ASB3: variants seen among roughly 807,000 people sequenced by gnomAD.
ASB3 encodes the protein ankyrin repeat and SOCS box protein 3.
A neutral mutation model predicts 54.5 loss-of-function variants in ASB3; 41 were observed. The ratio of observed to expected loss-of-function variants is 0.75; its 90% CI spans 0.59 to 0.98. The LOEUF is 0.98. Among genes scored for constraint, ASB3 ranks in the 50% least tolerant of loss-of-function variants. ASB3 has a pLI of 0.00. For missense variants in ASB3, 733 were observed against 620.0 expected (o/e 1.18, Z -1.94); for synonymous variants, 266 against 221.2 (o/e 1.20, Z -1.80).
chr2:53,743,956 T>C (rs1416437287), intron 3 of ASB3, among the ~76,000 whole-genome samples: 1 of 149,310 alleles, frequency 6.7e-6, no homozygotes, highest in Non-Finnish European at 1.5e-5. Flanking sequence ...GGCACAAGAA[T>C]CCCTTGAACC....
intron 2 of ASB3, among the ~76,000 whole-genome samples, chr2:53,757,251 C>A (rs1672884338): frequency 6.6e-6 from 1 of 152,238 alleles, no homozygotes; most frequent in African/African-American, 2.4e-5. Flanking sequence ...ACTTAAGACT[C>A]AGGTGTGAGG....
At chr2:53,765,655 T>G (rs1375515514) in intron 1 of ASB3, 70 bp from the exon 2 acceptor site, 2 of 1,575,956 alleles carry the variant, frequency 1.3e-6, no homozygotes, top group Non-Finnish European at 1.7e-6. Context: ...GGTCAGCAAA[T>G]CACGGTGGGC....
rs72150035 is a variant in ASB3, at chr2:53,690,700, CT to C, written c.1369+3183del. Among the ~76,000 whole-genome samples the C allele has an allele frequency of 8.4e-3, 1,246 of 148,042 alleles. 12 individuals are homozygous for C. Among genetic ancestry groups the C allele is most frequent in the African/African-American group, 0.029 (1,172 of 40,450 alleles). On this transcript the variant is annotated intron_variant, in intron 9 of 9. Coordinates refer to ENST00000263634, the MANE Select transcript of ASB3 (RefSeq NM_016115.5). ...ACTCCATTTTTTATCCATCTCCTACCTTTTTTTTTTCGTTTTTCTTTTCCTT... is the reference window on the plus strand; with the variant it reads ...ACTCCATTTTTTATCCATCTCCTACCTTTTTTTTTCGTTTTTCTTTTCCTT...
intron 2 of ASB3, among the ~76,000 whole-genome samples, chr2:53,760,398 A>C (rs1211111519): frequency 1.3e-5 from 2 of 152,170 alleles, no homozygotes; most frequent in Non-Finnish European, 2.9e-5. Context: ...AGAAAAGAAA[A>C]GAAGTAGAAG....
intron 2 of ASB3, among the ~76,000 whole-genome samples, chr2:53,761,890 T>C (rs150426206): frequency 6.6e-6 from 1 of 152,316 alleles, no homozygotes; most frequent in Non-Finnish European, 1.5e-5. Flanking sequence ...GAATCACTAG[T>C]TATAACAGCA....
chr2:53,688,770 A>G (rs1428400099), intron 9 of ASB3, among the ~76,000 whole-genome samples: 1 of 151,892 alleles, frequency 6.6e-6, no homozygotes, highest in Non-Finnish European at 1.5e-5. Flanking sequence ...AACATCACAC[A>G]CTGGGGCCTG....
intron 9 of ASB3, among the ~76,000 whole-genome samples, chr2:53,672,624 A>T (rs978962148): frequency 2.0e-5 from 3 of 152,202 alleles, no homozygotes; most frequent in African/African-American, 7.2e-5. Flanking sequence ...TACTTTAAAC[A>T]TTCTAATTTA....
At chr2:53,760,455 C>A (rs565955523) in intron 2 of ASB3, among the ~76,000 whole-genome samples, 11 of 152,136 alleles carry the variant, frequency 7.2e-5, no homozygotes, top group Admixed American at 2.6e-4. Flanking sequence ...CAAGGTAGGA[C>A]CCTCCATTAG....
At chr2:53,706,859 C>T (rs1669802361) in intron 7 of ASB3, among the ~76,000 whole-genome samples, 1 of 152,206 alleles carries the variant, frequency 6.6e-6, no homozygotes, top group Admixed American at 6.5e-5. Context: ...GCAATTCATC[C>T]ATTCTCACAA....
intron 3 of ASB3, among the ~76,000 whole-genome samples, chr2:53,735,130 G>C (rs182223033): frequency 9.9e-5 from 15 of 152,014 alleles, no homozygotes; most frequent in Non-Finnish European, 4.4e-5. Context: ...ATGTTAGTTA[G>C]GCTGGTCTTA....
chr2:53,774,333 T>G (rs770696784), intron 1 of ASB3: 1 of 1,613,642 alleles, frequency 6.2e-7, no homozygotes, highest in Admixed American at 1.7e-5. Flanking sequence ...ATCTTGGTCC[T>G]GCACCTCTGG....
chr2:53,783,447 G>C (rs1194796583), intron 1 of ASB3, among the ~76,000 whole-genome samples: 1 of 151,968 alleles, frequency 6.6e-6, no homozygotes, highest in East Asian at 1.9e-4. Context: ...AAAATGTCAA[G>C]AACATAATTA....
chr2:53,778,281 A>G lies in ASB3; in HGVS notation c.-14+8540T>C, dbSNP rs72901278. ...AATGTAAACAGTGAAACAAAACTTA[A>G]TCTTTGCTTTTTATTTTTTAATTAT... On this transcript the variant is annotated intron_variant, in intron 1 of 9. Transcript: ENST00000263634. Among the ~76,000 whole-genome samples, 808 of 152,150 alleles carry G rather than the reference A, an allele frequency of 5.3e-3. 12 individuals carry two copies. Among genetic ancestry groups the G allele is most frequent in the African/African-American group, 0.018 (762 of 41,518 alleles).
At chr2:53,687,201 G>A (rs1668675977) in intron 9 of ASB3, among the ~76,000 whole-genome samples, 1 of 152,062 alleles carries the variant, frequency 6.6e-6, no homozygotes, top group South Asian at 2.1e-4. Flanking sequence ...AAAATTGTAA[G>A]TGGGCAGTTG....
At chr2:53,779,489 T>G (rs540969034) in intron 1 of ASB3, among the ~76,000 whole-genome samples, 1 of 151,946 alleles carries the variant, frequency 6.6e-6, no homozygotes, top group Non-Finnish European at 1.5e-5. Flanking sequence ...CAGGCTGGAG[T>G]GCAGTGGCAC....
chr2:53,748,305 A>G (rs1409896754), intron 3 of ASB3: 1 of 152,184 alleles, frequency 6.6e-6, no homozygotes, highest in Non-Finnish European at 1.5e-5. Context: ...CACGTAGACG[A>G]TTTCTTGAGG....
At chr2:53,709,921 G>A (rs1472154742) in intron 7 of ASB3, among the ~76,000 whole-genome samples, 1 of 152,136 alleles carries the variant, frequency 6.6e-6, no homozygotes, top group Non-Finnish European at 1.5e-5. Context: ...CAGCTACCAT[G>A]CCATGAGGAT....
At chr2:53,784,717 T>C (rs961279806) in intron 1 of ASB3, among the ~76,000 whole-genome samples, 1 of 152,200 alleles carries the variant, frequency 6.6e-6, no homozygotes, top group Non-Finnish European at 1.5e-5. Flanking sequence ...CCTCTTCTTA[T>C]AAAGATACCA....
At chr2:53,751,955 C>G (rs527378525) in intron 2 of ASB3, among the ~76,000 whole-genome samples, 1 of 152,256 alleles carries the variant, frequency 6.6e-6, no homozygotes, top group Admixed American at 6.5e-5. Context: ...GACTCTTATT[C>G]AAAGTAGTTT....
Sources: allele counts gnomAD v4.1 joint callset (sites outside exome capture counted in the v4.1 genomes callset), GRCh38; gene constraint gnomAD v4.1.1; transcripts MANE v1.5; gene names NCBI Gene and HGNC (gene_info 2026-07-23, HGNC 2026-07-21).